MAOA: variants seen among roughly 807,000 people sequenced by gnomAD.
MAOA encodes the protein monoamine oxidase A.
MAOA carries 6 observed loss-of-function variants against 42.0 expected under a neutral mutation model. That is an observed-to-expected ratio of 0.14 (90% CI 0.08 to 0.28). MAOA has a LOEUF of 0.28. Ranked by LOEUF, MAOA falls within the 10% of genes least tolerant of loss-of-function variation. The probability of loss-of-function intolerance (pLI) is 1.00; values close to 1 mark genes in which losing one functional copy is unlikely to be tolerated. For synonymous variants in MAOA, 140 were observed against 154.0 expected (o/e 0.91, Z 0.67); for missense variants, 262 against 422.3 (o/e 0.62, Z 3.33).
chrX:43,705,093 A>G (rs1251098925), intron 3 of MAOA, among the ~76,000 whole-genome samples: 1 of 111,968 alleles, frequency 8.9e-6, no homozygotes, highest in Non-Finnish European at 1.9e-5. Context: ...AGAAATTGGG[A>G]GATTGATCCT....
rs1346818852 is a variant in MAOA at position 43,674,838 on chromosome X, C to T, written c.74-8675C>T. Among the ~76,000 whole-genome samples, 115 of 110,447 alleles carry T rather than the reference C, an allele frequency of 1.0e-3. 1 individual carries two copies. The highest frequency in any genetic ancestry group is 1.7e-3 in the Non-Finnish European group (87 of 52,661). On this transcript the variant is annotated intron_variant, in intron 1 of 14. Coordinates refer to ENST00000338702, the MANE Select transcript of MAOA (RefSeq NM_000240.4). ...TCCGCTGTTAGTCTGATGGGCTTCCCTTTGTGGGTAACCCGACCTTTCTCT... is the reference window on the plus strand; with the variant it reads ...TCCGCTGTTAGTCTGATGGGCTTCCTTTTGTGGGTAACCCGACCTTTCTCT...
In MAOA at chrX:43,732,966, C is replaced by T. The variant is rs2033894285; in HGVS notation, c.1052+171C>T. On this transcript the variant is annotated intron_variant, in intron 9 of 14. Transcript: ENST00000338702. ...TTGCAGTAATGTTTCGTATGTAGCACAAGAATACTGGGAAACTTTACTAAA... is the reference window on the plus strand; with the variant it reads ...TTGCAGTAATGTTTCGTATGTAGCATAAGAATACTGGGAAACTTTACTAAA... Among the ~76,000 whole-genome samples the T allele has an allele frequency of 2.7e-5, 3 of 112,168 alleles. No homozygotes were observed. In the South Asian group the frequency reaches 1.1e-3, roughly 41 times the overall value.
At chrX:43,678,079 C>T (rs1192265843) in intron 1 of MAOA, among the ~76,000 whole-genome samples, 1 of 111,689 alleles carries the variant, frequency 9.0e-6, no homozygotes, top group Non-Finnish European at 1.9e-5. Flanking sequence ...TGTTAGTAGC[C>T]TGAAATCACA....
At chrX:43,657,248 T>TTA (rs1162008439) in intron 1 of MAOA, among the ~76,000 whole-genome samples, 23 of 87,782 alleles carry the variant, frequency 2.6e-4, no homozygotes, top group South Asian at 1.7e-3. Context: ...TGAACTGTGT[T>TTA]TATATATATA....
chrX:43,724,509 T>C (rs1459279545), intron 5 of MAOA, among the ~76,000 whole-genome samples: 1 of 112,182 alleles, frequency 8.9e-6, no homozygotes, highest in Non-Finnish European at 1.9e-5. Context: ...TGTATTTCTA[T>C]GGGATTGGTG....
chrX:43,741,804 T>A (rs1447948978), intron 11 of MAOA, 146 bp from the exon 12 acceptor site: 7 of 1,054,939 alleles, frequency 6.6e-6, no homozygotes, highest in Non-Finnish European at 8.9e-6. Flanking sequence ...TGCTTGGTAC[T>A]ATCATGTTTC....
rs188445255 is a variant in MAOA at position 43,687,800 on chromosome X, G to A, written c.168+4193G>A. On this transcript the variant is annotated intron_variant, in intron 2 of 14. Coordinates refer to ENST00000338702, the MANE Select transcript of MAOA (RefSeq NM_000240.4). Reference sequence around the variant, plus strand: ...CAACTTCGAAAAAACTCAGAGTCATGCTCAACACTACCAGACCCTCATTTG... The same window carrying A: ...CAACTTCGAAAAAACTCAGAGTCATACTCAACACTACCAGACCCTCATTTG... Among the ~76,000 whole-genome samples the A allele has an allele frequency of 5.3e-5, 6 of 112,464 alleles. No homozygotes were observed. The Admixed American group carries it at 5.6e-4, about 11-fold the overall frequency.
chrX:43,706,599 A>G (rs1474931176), intron 3 of MAOA, among the ~76,000 whole-genome samples: 1 of 108,004 alleles, frequency 9.3e-6, no homozygotes. Context: ...AGCCTGAGCA[A>G]TAAAGTGAGG....
At chrX:43,734,306 C>T (rs1347198151) in intron 9 of MAOA, among the ~76,000 whole-genome samples, 1 of 110,233 alleles carries the variant, frequency 9.1e-6, no homozygotes. Context: ...TGAGAGTTTC[C>T]TTGGAAACTG....
chrX:43,720,841 T>A (rs1199530720), intron 5 of MAOA, among the ~76,000 whole-genome samples: 3 of 109,661 alleles, frequency 2.7e-5, no homozygotes, highest in African/African-American at 1.0e-4. Flanking sequence ...AGTATTAGGG[T>A]GGCAATAGGA....
chrX:43,733,728 A>G (rs2033899720), intron 9 of MAOA, among the ~76,000 whole-genome samples: 1 of 112,104 alleles, frequency 8.9e-6, no homozygotes, highest in South Asian at 3.8e-4. Flanking sequence ...CATGCACATC[A>G]TGTCATTGAA....
intron 1 of MAOA, among the ~76,000 whole-genome samples, chrX:43,678,660 C>T (rs1254074549): frequency 9.0e-6 from 1 of 111,556 alleles, no homozygotes; most frequent in Non-Finnish European, 1.9e-5. Flanking sequence ...GGGTAGAATG[C>T]ATAGTGAGTG....
intron 1 of MAOA, among the ~76,000 whole-genome samples, chrX:43,665,318 G>A (rs2033266453): frequency 9.0e-6 from 1 of 111,430 alleles, no homozygotes; most frequent in African/African-American, 3.3e-5. Flanking sequence ...ATATGCCAGT[G>A]TGCACCAGGC....
chrX:43,693,180 G>T (rs763638254), intron 2 of MAOA, 111 bp from the exon 3 acceptor site: 1 of 728,949 alleles, frequency 1.4e-6, no homozygotes, highest in East Asian at 3.5e-5. Flanking sequence ...TTATAGGGGA[G>T]ATGTAAGGCA....
chrX:43,695,231 T>C (rs997587572), intron 3 of MAOA, among the ~76,000 whole-genome samples: 5 of 112,294 alleles, frequency 4.5e-5, no homozygotes, highest in Non-Finnish European at 9.4e-5. Context: ...GGTATCTCAC[T>C]GTCAATATCA....
chrX:43,723,378 G>C (rs577968257), intron 5 of MAOA, among the ~76,000 whole-genome samples: 21 of 111,448 alleles, frequency 1.9e-4, no homozygotes, highest in African/African-American at 6.9e-4. Context: ...GAAGTGGTTT[G>C]TAGTTCTCCT....
At chrX:43,657,812 G>A (rs1041007153) in intron 1 of MAOA, 4 of 492,210 alleles carry the variant, frequency 8.1e-6, no homozygotes, top group South Asian at 1.1e-4. Flanking sequence ...ACAAATTAAT[G>A]TTGGGTAGAG....
rs184733270 is a variant in MAOA at position 43,729,868 on chromosome X, G to A, written c.646-1373G>A. ...AAATCACTGCGTGGCTGCTTATGCA[G>A]TTTTCTGGAGGAGTATGATTGAGGA... On this transcript the variant is annotated intron_variant, in intron 6 of 14. Coordinates refer to ENST00000338702, the MANE Select transcript of MAOA (RefSeq NM_000240.4). Among the ~76,000 whole-genome samples, 172 of 111,469 alleles carry A rather than the reference G, an allele frequency of 1.5e-3. 1 individual carries two copies. The highest frequency in any genetic ancestry group is 5.5e-3 in the African/African-American group (170 of 30,654).
intron 1 of MAOA, among the ~76,000 whole-genome samples, chrX:43,658,835 C>T (rs1034651263): frequency 3.6e-5 from 4 of 111,865 alleles, no homozygotes; most frequent in Non-Finnish European, 7.5e-5. Context: ...AGATCCTGGA[C>T]ATAAACTGAG....
Sources: allele counts gnomAD v4.1 joint callset (sites outside exome capture counted in the v4.1 genomes callset), GRCh38; gene constraint gnomAD v4.1.1; transcripts MANE v1.5; gene names NCBI Gene and HGNC (gene_info 2026-07-23, HGNC 2026-07-21).